Variants in AUH observed in about 807,000 individuals in gnomAD.
AUH encodes the protein methylglutaconyl-CoA hydratase, mitochondrial.
AUH carries 29 observed loss-of-function variants against 42.3 expected under a neutral mutation model. The ratio of observed to expected loss-of-function variants is 0.69; its 90% confidence interval spans 0.51 to 0.93. The LOEUF is 0.93. Ranked by LOEUF, AUH falls within the 40% of genes least tolerant of loss-of-function variation. AUH has a pLI of 0.00. For missense variants in AUH, 452 were observed against 438.1 expected, an observed-to-expected ratio of 1.03 and a Z score of -0.28; for synonymous variants, 174 against 166.4, an observed-to-expected ratio of 1.05 and a Z score of -0.35.
At chr9:91,263,940 A>G (rs532091723) in intron 6 of AUH, among the ~76,000 whole-genome samples, 2 of 152,304 alleles carry the variant, frequency 1.3e-5, no homozygotes, top group East Asian at 3.9e-4. Context: ...CAAGTCCACC[A>G]TGTATATCAA....
At chr9:91,353,094 C>T (rs1204798241) in intron 3 of AUH, among the ~76,000 whole-genome samples, 3 of 148,200 alleles carry the variant, frequency 2.0e-5, no homozygotes, top group African/African-American at 5.0e-5. Flanking sequence ...TTTGAGGTTT[C>T]TTTTTTTTTT....
chr9:91,297,128 C>A (rs1231129681), intron 5 of AUH, among the ~76,000 whole-genome samples: 3 of 152,202 alleles, frequency 2.0e-5, no homozygotes, highest in African/African-American at 7.2e-5. Context: ...GTCTACGTTG[C>A]TCTCATGAGG....
chr9:91,361,683 A>G lies in AUH; in HGVS notation c.207T>C (p.Ser69=). 1 of 1,575,506 alleles carries G rather than the reference A, an allele frequency of 6.3e-7. No homozygotes were observed. The highest frequency in any genetic ancestry group is 1.2e-5 in the South Asian group (1 of 85,990). The change falls in exon 1 of 10, where the codon TCT becomes TCC. Residue 69 remains serine, a synonymous_variant. Coordinates refer to ENST00000375731, the MANE Select transcript of AUH (RefSeq NM_001698.3). ...GGPAPKRGYS[S]EMKTEDELRV... ...GCAGCTCGTCCTCCGTCTTCATCTC[A>G]GAGCTGTAGCCCCTTTTCGGGGCGG...
At position 91,291,031 on chromosome 9, in the gene AUH, G is replaced by A. The variant is rs116285243; in HGVS notation, c.655+4990C>T. The stretch of plus-strand genomic sequence containing the variant: ...AAGGTGTTTGTAGTGTGGTTCCTTC[G>A]AGAGGCTCTGTGAGAAAATCTGTTC... On this transcript the variant is annotated intron_variant, in intron 6 of 9. Transcript: ENST00000375731. 7.6e-4 allele frequency among the ~76,000 whole-genome samples: 115 copies of A among 152,244 alleles called. 1 individual carries two copies. Among genetic ancestry groups the A allele is most frequent in the African/African-American group, 2.5e-3 (103 of 41,550 alleles).
intron 1 of AUH, among the ~76,000 whole-genome samples, chr9:91,356,506 GTTAATATCTCCATTTTT>G (rs1396642261): frequency 6.6e-6 from 1 of 152,138 alleles, no homozygotes; most frequent in African/African-American, 2.4e-5. Context: ...AGGACCAGTT[GTTAATATCTCCATTTTT>G]TTGTTGTTCA....
intron 6 of AUH, among the ~76,000 whole-genome samples, chr9:91,270,679 T>C (rs1825048503): frequency 6.6e-6 from 1 of 151,930 alleles, no homozygotes; most frequent in African/African-American, 2.4e-5. Context: ...GTGATCAAAA[T>C]GAATAAAGAA....
intron 6 of AUH, among the ~76,000 whole-genome samples, chr9:91,281,144 C>T (rs1157558596): frequency 6.6e-6 from 1 of 152,152 alleles, no homozygotes; most frequent in East Asian, 1.9e-4. Flanking sequence ...ACACTTGAGA[C>T]ACAAATGTTT....
intron 3 of AUH, among the ~76,000 whole-genome samples, chr9:91,340,015 G>C (rs1830987535): frequency 6.6e-6 from 1 of 152,162 alleles, no homozygotes; most frequent in Non-Finnish European, 1.5e-5. Context: ...ATGCACTAGG[G>C]TTCCCTAATG....
At chr9:91,296,800 CT>C (rs1177934296) in intron 5 of AUH, among the ~76,000 whole-genome samples, 2 of 152,186 alleles carry the variant, frequency 1.3e-5, no homozygotes, top group African/African-American at 4.8e-5. Flanking sequence ...GACACATGGA[CT>C]AGCAACCAGA....
At chr9:91,357,073 C>T (rs948223520) in intron 1 of AUH, among the ~76,000 whole-genome samples, 3 of 152,176 alleles carry the variant, frequency 2.0e-5, no homozygotes, top group Non-Finnish European at 4.4e-5. Flanking sequence ...CTTCTGCTCA[C>T]AAGAGTAAAT....
intron 1 of AUH, among the ~76,000 whole-genome samples, chr9:91,357,758 A>C (rs1292352713): frequency 6.6e-6 from 1 of 152,282 alleles, no homozygotes; most frequent in Non-Finnish European, 1.5e-5. Flanking sequence ...AGGCAGAGGA[A>C]ACAGGAAAAG....
intron 6 of AUH, among the ~76,000 whole-genome samples, chr9:91,245,355 GAA>G (rs1564026064): frequency 6.6e-6 from 1 of 152,180 alleles, no homozygotes; most frequent in African/African-American, 2.4e-5. Context: ...GGCAGCCAAT[GAA>G]AAGTTTTAAA....
intron 4 of AUH, among the ~76,000 whole-genome samples, chr9:91,324,570 ATCTC>A (rs1829835315): frequency 6.6e-6 from 1 of 151,012 alleles, no homozygotes; most frequent in Non-Finnish European, 1.5e-5. Flanking sequence ...AGAAAGCCAA[ATCTC>A]ATTTGAAAAG....
At chr9:91,354,132 C>T (rs1832223752) in intron 3 of AUH, among the ~76,000 whole-genome samples, 1 of 151,634 alleles carries the variant, frequency 6.6e-6, no homozygotes, top group Non-Finnish European at 1.5e-5. Context: ...CGTGGCACTG[C>T]ACTCCAGCCT....
At chr9:91,276,955 T>A (rs1486212465) in intron 6 of AUH, among the ~76,000 whole-genome samples, 3 of 152,048 alleles carry the variant, frequency 2.0e-5, no homozygotes, top group African/African-American at 4.8e-5. Context: ...GAAGCTGAGG[T>A]GGGAAAATCG....
intron 4 of AUH, among the ~76,000 whole-genome samples, chr9:91,301,338 T>G (rs2048123130): frequency 6.6e-6 from 1 of 152,168 alleles, no homozygotes; most frequent in African/African-American, 2.4e-5. Flanking sequence ...ATCTCTGGAG[T>G]GATAAATGCA....
rs1831207359 is a variant in AUH, at chr9:91,342,844, C to T, written c.418+13039G>A. ...GGTCTATTTGTACACAGATTTTCTT[C>T]CACCTCTGCCACCCCTTTGAGACAG... On this transcript the variant is annotated intron_variant, in intron 3 of 9. Coordinates refer to ENST00000375731, the MANE Select transcript of AUH (RefSeq NM_001698.3). The T allele has an allele frequency of 3.9e-5, 6 of 152,432 alleles. No individual in the cohort carries two copies. In the South Asian group the frequency reaches 1.0e-3, roughly 26 times the overall value. 9.4% of individuals were successfully genotyped at this position (152,432 alleles called of 1,614,324 possible).
chr9:91,251,004 G>C (rs1434503758), intron 6 of AUH, among the ~76,000 whole-genome samples: 1 of 152,214 alleles, frequency 6.6e-6, no homozygotes, highest in Admixed American at 6.5e-5. Context: ...TTCAGCACAT[G>C]GGTGAGCTGT....
intron 4 of AUH, among the ~76,000 whole-genome samples, chr9:91,314,885 C>A (rs947207396): frequency 6.6e-6 from 1 of 152,206 alleles, no homozygotes; most frequent in Admixed American, 6.5e-5. Flanking sequence ...GTGGTTCTGG[C>A]CCATCTACAG....
Sources: gnomAD v4.1 joint callset for allele counts (sites outside exome capture counted in the v4.1 genomes callset) on GRCh38, gnomAD v4.1.1 for gene constraint, MANE v1.5 for transcripts, NCBI Gene and HGNC (gene_info 2026-07-23, HGNC 2026-07-21) for gene names.